Variants in KCNAB1 observed in about 807,000 individuals in gnomAD.
The protein encoded by KCNAB1 is potassium voltage-gated channel subfamily A regulatory beta subunit 1.
KCNAB1 carries 35 observed loss-of-function variants against 64.6 expected under a neutral mutation model. The ratio of observed to expected loss-of-function variants is 0.54; its 90% CI spans 0.41 to 0.72. The LOEUF (loss-of-function observed/expected upper bound fraction) is 0.72. KCNAB1 is among the 30% of genes least tolerant of loss of function. The pLI is 0.00. For synonymous variants in KCNAB1, 177 were observed against 183.8 expected (o/e 0.96, Z 0.30); for missense variants, 401 against 512.9 (o/e 0.78, Z 2.11).
chr3:156,494,512 T>G (rs556695363), intron 8 of KCNAB1, among the ~76,000 whole-genome samples: 1 of 152,250 alleles, frequency 6.6e-6, no homozygotes, highest in South Asian at 2.1e-4. Flanking sequence ...AGACAATAGC[T>G]TATGAGTGAA....
intron 1 of KCNAB1, among the ~76,000 whole-genome samples, chr3:156,129,646 A>G (rs1021166845): frequency 6.6e-6 from 1 of 152,204 alleles, no homozygotes; most frequent in Non-Finnish European, 1.5e-5. Context: ...ATTAAATGAG[A>G]TAATATCCAT....
At chr3:156,449,314 T>C (rs1367575177) in intron 2 of KCNAB1, among the ~76,000 whole-genome samples, 1 of 152,222 alleles carries the variant, frequency 6.6e-6, no homozygotes, top group Non-Finnish European at 1.5e-5. Context: ...GGCCCTGTAT[T>C]TTTCACTGTG....
chr3:156,463,855 G>T, intron 6 of KCNAB1, 109 bp downstream of exon 6: 5 of 776,776 alleles, frequency 6.4e-6, no homozygotes, highest in South Asian at 2.1e-5. Flanking sequence ...TTAGAGAGAG[G>T]GTTTTTTGTT....
chr3:156,396,405 C>T (rs895608681), intron 1 of KCNAB1, among the ~76,000 whole-genome samples: 2 of 152,158 alleles, frequency 1.3e-5, no homozygotes, highest in African/African-American at 4.8e-5. Context: ...CCACTTTCAT[C>T]CTTCTATACT....
chr3:156,478,191 C>A (rs1031033279), intron 8 of KCNAB1, among the ~76,000 whole-genome samples: 10 of 151,810 alleles, frequency 6.6e-5, no homozygotes, highest in Non-Finnish European at 1.3e-4. Context: ...TCCTTAATAT[C>A]AAATGATACT....
At chr3:156,394,885 T>C (rs1559863239) in intron 1 of KCNAB1, among the ~76,000 whole-genome samples, 1 of 152,210 alleles carries the variant, frequency 6.6e-6, no homozygotes, top group African/African-American at 2.4e-5. Flanking sequence ...TAATGATTAA[T>C]GTGTCAATCA....
intron 1 of KCNAB1, among the ~76,000 whole-genome samples, chr3:156,285,625 T>C (rs1274671525): frequency 1.3e-5 from 2 of 152,168 alleles, no homozygotes; most frequent in African/African-American, 4.8e-5. Flanking sequence ...CTCAGCCTCC[T>C]GGGTGCCTGG....
At chr3:156,402,366 A>T (rs1713965920) in intron 1 of KCNAB1, among the ~76,000 whole-genome samples, 1 of 152,224 alleles carries the variant, frequency 6.6e-6, no homozygotes, top group Non-Finnish European at 1.5e-5. Flanking sequence ...CAACCTTCAC[A>T]TAAGCTGTCT....
intron 1 of KCNAB1, among the ~76,000 whole-genome samples, chr3:156,341,599 TAC>T (rs562457650): frequency 7.8e-4 from 119 of 152,338 alleles, no homozygotes; most frequent in African/African-American, 2.7e-3. Flanking sequence ...GTCATGGTGC[TAC>T]AGAGTGCTGC....
chr3:156,176,438 C>T (rs1712375626), intron 1 of KCNAB1: 6 of 784,818 alleles, frequency 7.6e-6, no homozygotes, highest in Middle Eastern at 2.2e-4. Context: ...GGCTAGATAA[C>T]AGGAATTCAC....
At chr3:156,254,602 C>T (rs544825508) in intron 1 of KCNAB1, among the ~76,000 whole-genome samples, 9 of 152,354 alleles carry the variant, frequency 5.9e-5, no homozygotes, top group Non-Finnish European at 1.0e-4. Flanking sequence ...ATTGTGAACT[C>T]TGCAGAAGGG....
chr3:156,252,951 TA>T (rs557824730), intron 1 of KCNAB1, among the ~76,000 whole-genome samples: 158 of 152,350 alleles, frequency 1.0e-3, no homozygotes, highest in African/African-American at 3.5e-3. Context: ...ACATAACCTG[TA>T]GTTAAACTCC....
At chr3:156,386,304 A>C (rs777574259) in intron 1 of KCNAB1, among the ~76,000 whole-genome samples, 16 of 152,322 alleles carry the variant, frequency 1.1e-4, no homozygotes, top group East Asian at 1.9e-4. Flanking sequence ...GGATGCCTTC[A>C]TGCGCAGTGC....
chr3:156,342,508 C>T (rs1000307304), intron 1 of KCNAB1, among the ~76,000 whole-genome samples: 1 of 151,176 alleles, frequency 6.6e-6, no homozygotes, highest in Non-Finnish European at 1.5e-5. Context: ...CACAGAGCTG[C>T]ACACCCAGAG....
At chr3:156,522,338 G>A (rs1236341639) in intron 11 of KCNAB1, among the ~76,000 whole-genome samples, 1 of 152,048 alleles carries the variant, frequency 6.6e-6, no homozygotes, top group Non-Finnish European at 1.5e-5. Context: ...CCAAAAGTAA[G>A]TTCAGGGACT....
At chr3:156,191,983 TG>T (rs1713590505) in intron 1 of KCNAB1, among the ~76,000 whole-genome samples, 1 of 152,238 alleles carries the variant, frequency 6.6e-6, no homozygotes, top group African/African-American at 2.4e-5. Flanking sequence ...TTCTTTGGAA[TG>T]TCCCTCTCTG....
chr3:156,377,846 A>G (rs976189864), intron 1 of KCNAB1, among the ~76,000 whole-genome samples: 36 of 152,050 alleles, frequency 2.4e-4, no homozygotes, highest in Admixed American at 1.6e-3. Flanking sequence ...GTGCTGAGAA[A>G]AGCTGATTTA....
chr3:156,270,594 T>G (rs1718974439), intron 1 of KCNAB1, among the ~76,000 whole-genome samples: 1 of 152,186 alleles, frequency 6.6e-6, no homozygotes, highest in African/African-American at 2.4e-5. Context: ...AAACTATAAT[T>G]TTGTCTCTCT....
chr3:156,530,605 C>T (rs1399214169), intron 12 of KCNAB1, among the ~76,000 whole-genome samples: 1 of 152,152 alleles, frequency 6.6e-6, no homozygotes, highest in East Asian at 1.9e-4. Flanking sequence ...CGCTCAGCTA[C>T]CCTGAAGTAG....
Sources: allele counts gnomAD v4.1 joint callset (sites outside exome capture counted in the v4.1 genomes callset), GRCh38; gene constraint gnomAD v4.1.1; transcripts MANE v1.5; gene names NCBI Gene and HGNC (gene_info 2026-07-23, HGNC 2026-07-21).